WASHC2A: variants seen among roughly 807,000 people sequenced by gnomAD.
WASHC2A encodes WASH complex subunit 2A, also known as WASH complex subunit FAM21A.
A neutral mutation model predicts 140.3 loss-of-function variants in WASHC2A; 82 were observed. The ratio of observed to expected loss-of-function variants is 0.58; its 90% CI spans 0.49 to 0.70. WASHC2A has a LOEUF of 0.70. Among genes scored for constraint, WASHC2A ranks in the 30% least tolerant of loss-of-function variants. WASHC2A has a pLI of 0.00. For missense variants in WASHC2A, 985 were observed against 1,521.8 expected, an observed-to-expected ratio of 0.65 and a Z score of 5.87; for synonymous variants, 340 against 560.8, an observed-to-expected ratio of 0.61 and a Z score of 5.56.
intron 3 of WASHC2A, among the ~76,000 whole-genome samples, chr10:50,074,342 G>T (rs1554877105): frequency 7.0e-6 from 1 of 142,650 alleles, no homozygotes; most frequent in African/African-American, 2.5e-5. Flanking sequence ...AGGTCCCATG[G>T]GTTTAGGTTT....
chr10:50,126,660 C>CCACGTGCAGTTCCCAGTGCCCAGGACTG (rs1843464827), intron 26 of WASHC2A, among the ~76,000 whole-genome samples: 1 of 152,138 alleles, frequency 6.6e-6, no homozygotes, highest in Non-Finnish European at 1.5e-5. Flanking sequence ...AGAGCGAGTG[C>CCACGTGCAGTTCCCAGTGCCCAGGACTG]CAGTTCCACG....
intron 13 of WASHC2A, among the ~76,000 whole-genome samples, chr10:50,094,592 G>T (rs1840268854): frequency 6.6e-6 from 1 of 152,266 alleles, no homozygotes; most frequent in Non-Finnish European, 1.5e-5. Context: ...AGTCTCCCGG[G>T]CACAGGCATC....
In WASHC2A at chr10:50,126,123, C is replaced by T. The variant is rs1368668999; in HGVS notation, c.2755C>T (p.Pro919Ser). 31 of 1,613,612 alleles carry T rather than the reference C, an allele frequency of 1.9e-5. No homozygotes were observed. In the African/African-American group the frequency reaches 2.8e-4, roughly 15 times the overall value. ...SVDSFKNQKH[P>S]ESIQGSKEKG... The stretch of plus-strand genomic sequence containing the variant: ...TGACTCTTTCAAAAACCAGAAACAT[C>T]CTGAATCCATTCAAGGTAGTAAAGA... Residue 919 changes from proline (P) to serine (S), a missense_variant, in exon 26 of 31, where the codon CCT becomes TCT. Pro to Ser is a moderately conservative substitution (Grantham distance 74). Transcript: ENST00000282633.
chr10:50,095,564 T>C, intron 14 of WASHC2A, 35 bp from the exon 15 acceptor site: 1 of 1,611,692 alleles, frequency 6.2e-7, no homozygotes, highest in Non-Finnish European at 8.5e-7. Context: ...CCACACTGGC[T>C]CACAGCTGTG....
chr10:50,131,267 A>G (rs1353776917), intron 30 of WASHC2A, 189 bp downstream of exon 30: 5 of 734,918 alleles, frequency 6.8e-6, no homozygotes, highest in Admixed American at 2.0e-5. Flanking sequence ...ACTCTTTCCT[A>G]TGATAGTCAT....
intron 17 of WASHC2A, among the ~76,000 whole-genome samples, chr10:50,103,360 C>A (rs1841415442): frequency 6.6e-6 from 1 of 151,790 alleles, no homozygotes; most frequent in Non-Finnish European, 1.5e-5. Context: ...GAGATCGAGA[C>A]CATCCTGGCT....
intron 30 of WASHC2A, among the ~76,000 whole-genome samples, chr10:50,131,430 G>GC (rs1195650329): frequency 1.3e-5 from 2 of 152,220 alleles, no homozygotes; most frequent in African/African-American, 2.4e-5. Flanking sequence ...TGAGGGGACT[G>GC]CCTTGGGTGT....
chr10:50,113,314 C>T (rs1316654025), intron 20 of WASHC2A, among the ~76,000 whole-genome samples: 2 of 151,962 alleles, frequency 1.3e-5, no homozygotes, highest in Non-Finnish European at 2.9e-5. Context: ...ATGATTGTGC[C>T]ATTGCTCTCC....
intron 29 of WASHC2A, among the ~76,000 whole-genome samples, 183 bp from the exon 30 acceptor site, chr10:50,130,718 G>A (rs1287317227): frequency 2.6e-5 from 4 of 152,338 alleles, no homozygotes; most frequent in African/African-American, 9.6e-5. Flanking sequence ...CATTTGAGCC[G>A]GGGTGAGATG....
intron 20 of WASHC2A, among the ~76,000 whole-genome samples, chr10:50,110,744 T>C (rs1842213738): frequency 6.6e-6 from 1 of 151,470 alleles, no homozygotes; most frequent in Admixed American, 6.6e-5. Context: ...AATATAAAAA[T>C]TAGCCGGGTG....
At chr10:50,098,441 A>G (rs1223175310) in intron 16 of WASHC2A, among the ~76,000 whole-genome samples, 2 of 137,836 alleles carry the variant, frequency 1.5e-5, no homozygotes, top group African/African-American at 2.6e-5. Flanking sequence ...ACAGTTCACA[A>G]TAGCGTTTGC....
chr10:50,069,524 T>C (rs1554875421), intron 2 of WASHC2A, 23 bp from the exon 3 acceptor site: 1 of 1,609,504 alleles, frequency 6.2e-7, no homozygotes, highest in East Asian at 2.2e-5. Flanking sequence ...TTGATACTAC[T>C]GTATGTTTAT....
At chr10:50,078,535 C>T in intron 3 of WASHC2A, 140 bp from the exon 4 acceptor site, 1 of 1,587,124 alleles carries the variant, frequency 6.3e-7, no homozygotes, top group South Asian at 1.1e-5. Flanking sequence ...CGGACACCCA[C>T]CTGGTAGTGG....
In WASHC2A at chr10:50,129,866, A is replaced by G. The variant is rs757236634; in HGVS notation, c.3535A>G (p.Ser1179Gly). ...CATGTTTCCTGCTCTAGGTGAGGCC[A>G]GCAGTGATGATGATCTCTTTCAGTC... ...SPMFPALGEASSDDDLFQSAK... is the reference protein window; with the variant it reads ...SPMFPALGEAGSDDDLFQSAK... Residue 1179 changes from serine (S) to glycine (G), a missense_variant, in exon 29 of 31, where the codon AGC (serine) becomes GGC (glycine). Ser to Gly is a moderately conservative substitution (Grantham distance 56). Coordinates refer to ENST00000282633, the MANE Select transcript of WASHC2A (RefSeq NM_001005751.3). 7.4e-6 allele frequency: 12 copies of G among 1,611,956 alleles called. No homozygotes were observed. In the East Asian group the frequency reaches 2.2e-4, roughly 30 times the overall value.
chr10:50,129,321 A>G, intron 28 of WASHC2A, 98 bp from the exon 29 acceptor site: 1 of 1,600,524 alleles, frequency 6.2e-7, no homozygotes, highest in Non-Finnish European at 8.5e-7. Context: ...AGTAGACCAG[A>G]TAACCTTACA....
intron 3 of WASHC2A, among the ~76,000 whole-genome samples, chr10:50,072,902 G>A (rs1333019222): frequency 5.3e-5 from 8 of 152,194 alleles, no homozygotes; most frequent in African/African-American, 1.7e-4. Flanking sequence ...AACATTCAAA[G>A]TCAGATAGGT....
intron 3 of WASHC2A, 26 bp from the exon 4 acceptor site, chr10:50,078,649 A>G: frequency 1.2e-6 from 2 of 1,611,848 alleles, no homozygotes; most frequent in Non-Finnish European, 1.7e-6. Context: ...TTGACCTTTT[A>G]ACATTGAGTT....
rs200416768 is a variant in WASHC2A at position 50,124,093 on chromosome 10, TTTTTGTTTTG to T, written c.2479-999_2479-990del. On this transcript the variant is annotated intron_variant, in intron 23 of 30. Transcript: ENST00000282633. ...AAGTTTTTCATTAGTTTTTTTGGTT[TTTTTGTTTTG>T]TTTTGTTTTGTTTTGTTTTGAGATG... is the stretch of plus-strand genomic sequence containing the variant. 1.7e-3 allele frequency among the ~76,000 whole-genome samples: 253 copies of T among 151,182 alleles called. 1 individual carries two copies. The highest frequency in any genetic ancestry group is 2.7e-3 in the Non-Finnish European group (182 of 67,806).
In WASHC2A at chr10:50,117,964, A is replaced by C. The variant is rs1842800749; in HGVS notation, c.2201A>C (p.Glu734Ala). The change falls in exon 22 of 31, where the codon GAG (glutamate) becomes GCG (alanine). Residue 734 changes from glutamate to alanine, a missense_variant. Transcript: ENST00000282633. ...PLLFSDEEEKEAQLGVKSVDK... is the reference protein window; with the variant it reads ...PLLFSDEEEKAAQLGVKSVDK... ...CTGTTCAGCGATGAAGAAGAGAAGG[A>C]GGCACAACTTGGAGTGAAGTCTGTG... is the stretch of plus-strand genomic sequence containing the variant. 1 of 1,578,920 alleles carries C rather than the reference A, an allele frequency of 6.3e-7. No homozygotes were observed. Among genetic ancestry groups the C allele is most frequent in the Non-Finnish European group, 8.7e-7 (1 of 1,153,196 alleles).
Sources: allele counts gnomAD v4.1 joint callset (sites outside exome capture counted in the v4.1 genomes callset), GRCh38; gene constraint gnomAD v4.1.1; transcripts MANE v1.5; gene names NCBI Gene and HGNC (gene_info 2026-07-23, HGNC 2026-07-21).